Variants in MTHFD1L observed in about 807,000 individuals in gnomAD.
MTHFD1L encodes monofunctional C1-tetrahydrofolate synthase, mitochondrial.
Under a neutral mutation model 119.5 loss-of-function variants are expected in MTHFD1L, and 81 were observed. That is an observed-to-expected ratio of 0.68 (90% CI 0.57 to 0.82). MTHFD1L has a LOEUF of 0.82. Among genes scored for constraint, MTHFD1L ranks in the 40% least tolerant of loss-of-function variants. MTHFD1L has a pLI of 0.00. For missense variants in MTHFD1L, 1,125 were observed against 1,253.4 expected (o/e 0.90, Z 1.55); for synonymous variants, 430 against 475.2 (o/e 0.90, Z 1.24).
chr6:150,969,261 T>C (rs803515), intron 19 of MTHFD1L, among the ~76,000 whole-genome samples: 76,346 of 152,090 alleles, frequency 0.5, 20,349 homozygotes, highest in African/African-American at 0.65. Flanking sequence ...GGATTATAGG[T>C]GTGAGCCACC....
intron 26 of MTHFD1L, chr6:151,041,740 A>G (rs773232292): frequency 6.1e-6 from 3 of 491,318 alleles, no homozygotes; most frequent in African/African-American, 4.6e-5. Flanking sequence ...GGGCTTTATA[A>G]CAAAGGCAGA....
chr6:150,998,831 A>AAC (rs796404445), intron 20 of MTHFD1L, among the ~76,000 whole-genome samples: 11 of 150,596 alleles, frequency 7.3e-5, no homozygotes, highest in African/African-American at 2.4e-4. Flanking sequence ...ACAAAAAAAA[A>AAC]AAAAAAACAT....
intron 27 of MTHFD1L, chr6:151,099,459 T>C (rs1795171043): frequency 9.8e-7 from 1 of 1,018,926 alleles, no homozygotes; most frequent in African/African-American, 1.6e-5. Context: ...TTTTCTTTTT[T>C]TTTTTTTGCC....
At chr6:150,871,073 C>T (rs1779380572) in intron 1 of MTHFD1L, among the ~76,000 whole-genome samples, 1 of 138,400 alleles carries the variant, frequency 7.2e-6, no homozygotes. Context: ...AATATATATA[C>T]CTTAATTATA....
chr6:150,885,712 A>G lies in MTHFD1L; in HGVS notation c.621A>G (p.Val207=). ...TTGTTTCACCTGTTGCCAAAGCTGT[A>G]ATTGAACTTCTTGAAAAATCAGGTA... ...ECFVSPVAKA[V]IELLEKSGVN... Residue 207 remains valine (V), a synonymous_variant, in exon 6 of 28, where the codon GTA becomes GTG. Coordinates refer to ENST00000367321, the MANE Select transcript of MTHFD1L (RefSeq NM_015440.5). 6.2e-7 allele frequency: 1 copy of G among 1,613,650 alleles called. No individual in the cohort carries two copies. The highest frequency in any genetic ancestry group is 1.3e-5 in the African/African-American group (1 of 75,024).
intron 22 of MTHFD1L, among the ~76,000 whole-genome samples, 175 bp from the exon 23 acceptor site, chr6:151,014,705 A>T (rs1410800376): frequency 6.6e-6 from 1 of 152,198 alleles, no homozygotes; most frequent in Non-Finnish European, 1.5e-5. Flanking sequence ...ATCCAGAATC[A>T]TTTTAGAAAT....
intron 26 of MTHFD1L, among the ~76,000 whole-genome samples, chr6:151,038,913 G>A (rs1282389286): frequency 1.3e-5 from 2 of 152,168 alleles, no homozygotes; most frequent in South Asian, 2.1e-4. Flanking sequence ...AATGAGCCTG[G>A]CTTGAACAGA....
chr6:151,074,633 C>T (rs868696602), intron 26 of MTHFD1L, among the ~76,000 whole-genome samples: 2 of 152,146 alleles, frequency 1.3e-5, no homozygotes, highest in Non-Finnish European at 2.9e-5. Flanking sequence ...CAAAAACAAA[C>T]CGTGTATACA....
At chr6:150,925,160 C>A (rs559349790) in intron 10 of MTHFD1L, among the ~76,000 whole-genome samples, 4 of 152,110 alleles carry the variant, frequency 2.6e-5, no homozygotes, top group Non-Finnish European at 5.9e-5. Context: ...ATCTGCCCAC[C>A]GCAAGGAGGC....
chr6:151,004,002 T>C (rs936402960), intron 20 of MTHFD1L, among the ~76,000 whole-genome samples: 4 of 135,230 alleles, frequency 3.0e-5, no homozygotes, highest in African/African-American at 1.1e-4. Flanking sequence ...TGTTAATGCT[T>C]TTTTTTAAAA....
chr6:150,937,336 TG>T (rs1444269838), intron 12 of MTHFD1L, among the ~76,000 whole-genome samples: 2 of 152,150 alleles, frequency 1.3e-5, no homozygotes, highest in African/African-American at 4.8e-5. Context: ...AGTTGCTGTG[TG>T]GGGCCCGCAG....
At chr6:151,057,376 C>A in intron 26 of MTHFD1L, 1 of 984,200 alleles carries the variant, frequency 1.0e-6, no homozygotes. Flanking sequence ...TACTGTGGCT[C>A]ACGTCTGTAA....
chr6:150,905,036 C>CTTTTTTTTT (rs36039459), intron 7 of MTHFD1L, among the ~76,000 whole-genome samples: 1 of 111,728 alleles, frequency 9.0e-6, no homozygotes, highest in Non-Finnish European at 1.7e-5. Context: ...TTGTTTTCCT[C>CTTTTTTTTT]TTTTTTTTTT....
At chr6:150,969,276 C>T (rs1797695656) in intron 19 of MTHFD1L, among the ~76,000 whole-genome samples, 1 of 152,180 alleles carries the variant, frequency 6.6e-6, no homozygotes. Context: ...GCCACCGTGC[C>T]CGGCCTGAGC....
chr6:150,977,109 CTG>C (rs1776694276), intron 20 of MTHFD1L, among the ~76,000 whole-genome samples: 2 of 152,120 alleles, frequency 1.3e-5, no homozygotes, highest in Admixed American at 1.3e-4. Flanking sequence ...TGATGATGTG[CTG>C]TGAGAGACAA....
At chr6:151,008,598 A>C (rs1267231882) in intron 20 of MTHFD1L, among the ~76,000 whole-genome samples, 1 of 152,134 alleles carries the variant, frequency 6.6e-6, no homozygotes, top group African/African-American at 2.4e-5. Flanking sequence ...TGTATGAAGA[A>C]GATACTACTG....
Position 151,039,639 on chromosome 6 carries a change from G to A in MTHFD1L, c.2847+2522G>A, listed in dbSNP as rs140710652. 2.7e-3 allele frequency among the ~76,000 whole-genome samples: 415 copies of A among 152,210 alleles called. 5 individuals carry two copies. The highest frequency in any genetic ancestry group is 9.3e-3 in the African/African-American group (386 of 41,536). On this transcript the variant is annotated intron_variant, in intron 26 of 27. Transcript: ENST00000367321. The surrounding 1 kb of genome is among the most constrained non-coding windows in gnomAD (Gnocchi z 4.4). Reference sequence around the variant, plus strand: ...TTCGTTAGAATGGCCTCAGTCAGCCGGGTGCGGTGGCTCACGCCTGTAATC... The same window carrying A: ...TTCGTTAGAATGGCCTCAGTCAGCCAGGTGCGGTGGCTCACGCCTGTAATC...
intron 11 of MTHFD1L, chr6:150,934,845 C>T: frequency 4.0e-6 from 5 of 1,245,706 alleles, no homozygotes; most frequent in Non-Finnish European, 5.5e-6. Context: ...CCTGCCAATG[C>T]TTTCTCATTT....
intron 26 of MTHFD1L, among the ~76,000 whole-genome samples, chr6:151,046,061 T>A (rs1050756179): frequency 6.6e-6 from 1 of 152,198 alleles, no homozygotes; most frequent in Non-Finnish European, 1.5e-5. Flanking sequence ...TACATAAGGT[T>A]ATCTAGGTCC....
Sources: gnomAD v4.1 joint callset for allele counts (sites outside exome capture counted in the v4.1 genomes callset) on GRCh38, gnomAD v4.1.1 for gene constraint, Gnocchi (gnomAD v3.1) non-coding constraint, MANE v1.5 for transcripts, NCBI Gene and HGNC (gene_info 2026-07-23, HGNC 2026-07-21) for gene names.